The following CRACR2A variants were observed in gnomAD, a reference collection of about 807,000 sequenced individuals.
The protein encoded by CRACR2A is calcium release activated channel regulator 2A, also known as EF-hand calcium-binding domain-containing protein 4B.
Under a neutral mutation model 90.5 loss-of-function variants are expected in CRACR2A, and 79 were observed. That is an observed-to-expected ratio of 0.87 (90% confidence interval 0.73 to 1.05). The LOEUF is 1.05. CRACR2A is among the 50% of genes least tolerant of loss of function. The pLI is 0.00. For synonymous variants in CRACR2A, 338 were observed against 356.7 expected, an observed-to-expected ratio of 0.95 and a Z score of 0.59; for missense variants, 823 against 897.2, an observed-to-expected ratio of 0.92 and a Z score of 1.06.
In CRACR2A at chr12:3,633,657, A is replaced by G; in HGVS notation, c.1682T>C (p.Phe561Ser). The change falls in exon 15 of 20, where the codon TTC becomes TCC. Residue 561 changes from phenylalanine to serine, a missense_variant. Transcript: ENST00000440314. This position sits in a 1 kb window ranked among gnomAD's most constrained non-coding sequence, Gnocchi z 4.5. Reference protein sequence around the residue: ...VGNSAVGKTSFLRRFCEDRFS... With the variant: ...VGNSAVGKTSSLRRFCEDRFS... ...CCGGTCCTCACAGAATCTCCTCAGG[A>G]AGGATGTCTTCCCCACCGCGGAATT... 1 of 1,551,738 alleles carries G rather than the reference A, an allele frequency of 6.4e-7. No homozygotes were observed. The highest frequency in any genetic ancestry group is 8.7e-7 in the Non-Finnish European group (1 of 1,146,998).
intron 11 of CRACR2A, among the ~76,000 whole-genome samples, chr12:3,644,867 C>T (rs914713698): frequency 2.0e-5 from 3 of 152,132 alleles, no homozygotes; most frequent in Non-Finnish European, 4.4e-5. Flanking sequence ...TTGAGACACC[C>T]GTGGCCCATC....
At chr12:3,696,316 C>T (rs1945739319) in intron 4 of CRACR2A, among the ~76,000 whole-genome samples, 1 of 152,208 alleles carries the variant, frequency 6.6e-6, no homozygotes, top group African/African-American at 2.4e-5. Flanking sequence ...CAGGAGATTG[C>T]AGTGTATTTG....
chr12:3,695,845 A>G (rs1222432921), intron 4 of CRACR2A, among the ~76,000 whole-genome samples: 1 of 152,220 alleles, frequency 6.6e-6, no homozygotes, highest in East Asian at 1.9e-4. Flanking sequence ...TGAAATCTTG[A>G]CTGCAGCATA....
intron 14 of CRACR2A, among the ~76,000 whole-genome samples, chr12:3,637,134 C>A (rs1186465126): frequency 6.6e-6 from 1 of 152,186 alleles, no homozygotes; most frequent in Non-Finnish European, 1.5e-5. Flanking sequence ...AGCAGGAAGA[C>A]CTGGTGGGCA....
chr12:3,709,650 G>A (rs952956856), intron 3 of CRACR2A, among the ~76,000 whole-genome samples: 1 of 152,226 alleles, frequency 6.6e-6, no homozygotes, highest in African/African-American at 2.4e-5. Context: ...GGTGGCACAT[G>A]CCTGTAATTC....
intron 1 of CRACR2A, among the ~76,000 whole-genome samples, chr12:3,738,283 T>C (rs758989935): frequency 6.6e-6 from 1 of 152,134 alleles, no homozygotes; most frequent in African/African-American, 2.4e-5. Flanking sequence ...ACTGATGGAC[T>C]GACAAGAAAG....
intron 7 of CRACR2A, among the ~76,000 whole-genome samples, chr12:3,660,454 C>T (rs1380677377): frequency 6.6e-6 from 1 of 152,028 alleles, no homozygotes; most frequent in Non-Finnish European, 1.5e-5. Context: ...AAGTAAGTAC[C>T]TAGAGAGATG....
chr12:3,713,249 G>T lies in CRACR2A; in HGVS notation c.-49C>A. The T allele has an allele frequency of 1.0e-6, 1 of 985,264 alleles. No individual in the cohort carries two copies. Among genetic ancestry groups the T allele is most frequent in the Non-Finnish European group, 1.2e-6 (1 of 829,932 alleles). The allele number at this position is 985,264 out of a possible 1,614,324, so 61.0% of individuals were successfully genotyped here. On this transcript the variant is annotated 5_prime_UTR_variant, in exon 3 of 20. Coordinates refer to ENST00000440314, the MANE Select transcript of CRACR2A (RefSeq NM_001144958.2). The stretch of plus-strand genomic sequence containing the variant: ...TTCGCTCACTCACCTTGCAGCTCCC[G>T]GCTCCTCGGAGGACCTGCAACTCTT...
chr12:3,684,120 G>A (rs189615148), intron 4 of CRACR2A, among the ~76,000 whole-genome samples: 2 of 152,242 alleles, frequency 1.3e-5, no homozygotes, highest in East Asian at 1.9e-4. Flanking sequence ...CTTCAAACAT[G>A]CTTCCATGAC....
intron 13 of CRACR2A, among the ~76,000 whole-genome samples, chr12:3,640,062 C>T (rs1332299716): frequency 7.9e-5 from 12 of 152,146 alleles, no homozygotes; most frequent in Admixed American, 5.9e-4. Context: ...CTTAAACAGG[C>T]ATTAAAACAA....
rs75717482 is a variant in CRACR2A at position 3,711,990 on chromosome 12, C to A, written c.-37+1247G>T. On this transcript the variant is annotated intron_variant, in intron 3 of 19. Transcript: ENST00000440314. This position sits in a 1 kb window ranked among gnomAD's most constrained non-coding sequence, Gnocchi z 4.3. ...GTTGAAAATGAGAGGAAAACAAAGA[C>A]AACAATGAATCTAGCCTGCAGAGAT... Among the ~76,000 whole-genome samples, 1,169 of 152,162 alleles carry A rather than the reference C, an allele frequency of 7.7e-3. 11 individuals carry two copies. The highest frequency in any genetic ancestry group is 0.027 in the African/African-American group (1,106 of 41,500).
intron 1 of CRACR2A, among the ~76,000 whole-genome samples, chr12:3,752,326 GCACACACACGGACA>G (rs1430537919): frequency 6.7e-6 from 1 of 149,194 alleles, no homozygotes; most frequent in Non-Finnish European, 1.5e-5. Context: ...ACACACACTC[GCACACACACGGACA>G]CACACACACA....
At chr12:3,690,388 C>T (rs1015401639) in intron 4 of CRACR2A, among the ~76,000 whole-genome samples, 5 of 152,160 alleles carry the variant, frequency 3.3e-5, no homozygotes, top group African/African-American at 1.2e-4. Flanking sequence ...CAAAGAATTT[C>T]TTGATTTCTG....
chr12:3,701,712 A>C (rs983213867), intron 3 of CRACR2A, among the ~76,000 whole-genome samples: 4 of 152,178 alleles, frequency 2.6e-5, no homozygotes, highest in African/African-American at 9.6e-5. Flanking sequence ...TCAGGTCCGC[A>C]TAGCTAAATT....
At position 3,627,611 on chromosome 12, in the gene CRACR2A, G is replaced by A. The variant is rs1015987330; in HGVS notation, c.1817+14C>T. On this transcript the variant is annotated intron_variant, in intron 16 of 19. Coordinates refer to ENST00000440314, the MANE Select transcript of CRACR2A (RefSeq NM_001144958.2). ...CCTTCCCTCTGGAGCCCAGAACTTC[G>A]GGCAGCTCCTCACCTCTCCTGCCCA... 3.3e-5 allele frequency: 51 copies of A among 1,551,484 alleles called. No individual in the cohort carries two copies. Among genetic ancestry groups the A allele is most frequent in the East Asian group, 2.0e-4 (8 of 40,926 alleles).
At chr12:3,683,338 A>G (rs922612110) in intron 4 of CRACR2A, among the ~76,000 whole-genome samples, 10 of 152,064 alleles carry the variant, frequency 6.6e-5, no homozygotes, top group African/African-American at 2.4e-4. Flanking sequence ...TCAGAACACA[A>G]AGTCTCTCTT....
Position 3,659,546 on chromosome 12 carries a change from T to C in CRACR2A, c.762+18A>G. ...GTCAAGCTGGCCTCAGAGCCAAGCC[T>C]GGGGAGCGTACACTTACCTTCAGGA... On this transcript the variant is annotated intron_variant, in intron 8 of 19. Coordinates refer to ENST00000440314, the MANE Select transcript of CRACR2A (RefSeq NM_001144958.2). 4.3e-6 allele frequency: 7 copies of C among 1,612,714 alleles called. No individual in the cohort carries two copies. The highest frequency in any genetic ancestry group is 5.9e-6 in the Non-Finnish European group (7 of 1,178,782).
intron 15 of CRACR2A, among the ~76,000 whole-genome samples, chr12:3,631,509 G>A (rs539686493): frequency 2.0e-5 from 3 of 152,202 alleles, no homozygotes; most frequent in Non-Finnish European, 4.4e-5. Context: ...AGGGCAAGTC[G>A]ACCTCCCAGG....
chr12:3,715,277 G>A (rs1591707239), intron 2 of CRACR2A, among the ~76,000 whole-genome samples: 1 of 152,220 alleles, frequency 6.6e-6, no homozygotes, highest in African/African-American at 2.4e-5. Flanking sequence ...TGAGTGGCTA[G>A]TATGAGAGGG....
Sources: allele counts gnomAD v4.1 joint callset (sites outside exome capture counted in the v4.1 genomes callset), GRCh38; gene constraint gnomAD v4.1.1; non-coding constraint Gnocchi (gnomAD v3.1); transcripts MANE v1.5; gene names NCBI Gene and HGNC (gene_info 2026-07-23, HGNC 2026-07-21).